The following BNC2 variants were observed in gnomAD, a reference collection of about 807,000 sequenced individuals.
The protein encoded by BNC2 is zinc finger protein basonuclin-2.
BNC2 carries 20 observed loss-of-function variants against 76.3 expected under a neutral mutation model. The ratio of observed to expected loss-of-function variants is 0.26; its 90% CI spans 0.18 to 0.38. BNC2 has a LOEUF of 0.38. Among genes scored for constraint, BNC2 ranks in the 10% least tolerant of loss-of-function variants. The probability of loss-of-function intolerance (pLI) is 1.00; values close to 1 mark genes in which losing one functional copy is unlikely to be tolerated. For missense variants in BNC2, 1,382 were observed against 1,399.8 expected, an observed-to-expected ratio of 0.99 and a Z score of 0.20; for synonymous variants, 582 against 514.8, an observed-to-expected ratio of 1.13 and a Z score of -1.77.
At chr9:16,423,409 A>G (rs1820745962) in intron 6 of BNC2, among the ~76,000 whole-genome samples, 1 of 152,220 alleles carries the variant, frequency 6.6e-6, no homozygotes, top group South Asian at 2.1e-4. Context: ...GTTCATAGGT[A>G]TAAGGGGTAA....
chr9:16,419,666 GA>G lies in BNC2; in HGVS notation c.2640-18del. ...GCACTGTGTCTAGGAAAACAAGAGG[GA>G]AGGGGGGGTACGTGGATGGGGGGTG... On this transcript the variant is annotated intron_variant, in intron 6 of 6. Coordinates refer to ENST00000380672, the MANE Select transcript of BNC2 (RefSeq NM_017637.6). 3 of 637,554 alleles carry G rather than the reference GA, an allele frequency of 4.7e-6. No homozygotes were observed. Among genetic ancestry groups the G allele is most frequent in the Non-Finnish European group, 7.8e-6 (3 of 382,842 alleles). 39.5% of individuals were successfully genotyped at this position (637,554 alleles called of 1,614,324 possible).
intron 5 of BNC2, among the ~76,000 whole-genome samples, chr9:16,521,910 A>C (rs1817633493): frequency 6.6e-6 from 1 of 152,178 alleles, no homozygotes; most frequent in Non-Finnish European, 1.5e-5. Context: ...ATGTTCTTGG[A>C]AAAAATTAAA....
At chr9:16,727,741 C>T in intron 3 of BNC2, 56 bp downstream of exon 3, 1 of 1,470,282 alleles carries the variant, frequency 6.8e-7, no homozygotes, top group Non-Finnish European at 9.4e-7. Context: ...GTGCCCATAA[C>T]AATTCAAGGT....
chr9:16,795,870 G>T (rs184010923), intron 1 of BNC2, among the ~76,000 whole-genome samples: 5 of 152,130 alleles, frequency 3.3e-5, no homozygotes, highest in Non-Finnish European at 7.4e-5. Context: ...AGGGAAAGAG[G>T]ATGGGAGGTA....
intron 5 of BNC2, among the ~76,000 whole-genome samples, chr9:16,530,344 C>T (rs1817940136): frequency 6.6e-6 from 1 of 152,058 alleles, no homozygotes; most frequent in Non-Finnish European, 1.5e-5. Flanking sequence ...ACAACAACTT[C>T]ACCTTATTAA....
intron 3 of BNC2, among the ~76,000 whole-genome samples, chr9:16,654,310 G>A (rs1821869395): frequency 6.6e-6 from 1 of 151,988 alleles, no homozygotes; most frequent in Non-Finnish European, 1.5e-5. Flanking sequence ...AGAGTTCAGG[G>A]CATAACATAA....
intron 3 of BNC2, among the ~76,000 whole-genome samples, chr9:16,601,895 A>G (rs1820254269): frequency 1.3e-5 from 2 of 152,168 alleles, no homozygotes; most frequent in Non-Finnish European, 2.9e-5. Flanking sequence ...AGTTTAAAAG[A>G]TAATGTTCTG....
chr9:16,755,510 C>A (rs544219309), intron 1 of BNC2, among the ~76,000 whole-genome samples: 1 of 152,188 alleles, frequency 6.6e-6, no homozygotes, highest in Admixed American at 6.5e-5. Context: ...GCTAACTATG[C>A]AATTATATGA....
At chr9:16,519,788 T>C (rs1284773281) in intron 5 of BNC2, among the ~76,000 whole-genome samples, 5 of 152,228 alleles carry the variant, frequency 3.3e-5, no homozygotes, top group African/African-American at 9.6e-5. Flanking sequence ...GTTAAGTAAT[T>C]TGCTCAAGTC....
Position 16,418,745 on chromosome 9 carries a change from ATCAAAGATC to A in BNC2, c.*235_*243del. The A allele has an allele frequency of 1.9e-6, 1 of 523,010 alleles. No individual in the cohort carries two copies. Among genetic ancestry groups the A allele is most frequent in the Non-Finnish European group, 3.4e-6 (1 of 291,498 alleles). 32.4% of individuals were successfully genotyped at this position (523,010 alleles called of 1,614,324 possible). ...AGGGGTACTCTGTTTTCACCCTGAA[ATCAAAGATC>A]CCACTCCTTTCCCAAAACTATAAAG... On this transcript the variant is annotated 3_prime_UTR_variant, in exon 7 of 7. Coordinates refer to ENST00000380672, the MANE Select transcript of BNC2 (RefSeq NM_017637.6).
chr9:16,415,895 TAA>T lies in BNC2; in HGVS notation c.*3092_*3093del, dbSNP rs1820575580. On this transcript the variant is annotated 3_prime_UTR_variant, in exon 7 of 7. Coordinates refer to ENST00000380672, the MANE Select transcript of BNC2 (RefSeq NM_017637.6). ...AGTAGTAGCAAATAGGGGAGATACTTAAAAAGTGTCAGCTGTCCAGGACTTAT... is the reference window on the plus strand; with the variant it reads ...AGTAGTAGCAAATAGGGGAGATACTTAAAGTGTCAGCTGTCCAGGACTTAT... 1 of 152,166 alleles carries T rather than the reference TAA, an allele frequency of 6.6e-6. No homozygotes were observed. The highest frequency in any genetic ancestry group is 1.5e-5 in the Non-Finnish European group (1 of 68,038). 9.4% of individuals were successfully genotyped at this position (152,166 alleles called of 1,614,324 possible).
chr9:16,790,523 T>C (rs1218739199), intron 1 of BNC2, among the ~76,000 whole-genome samples: 1 of 152,194 alleles, frequency 6.6e-6, no homozygotes, highest in East Asian at 1.9e-4. Context: ...CGTTGCTAAT[T>C]TACAATTCTA....
chr9:16,480,867 C>T (rs1031377750), intron 5 of BNC2, among the ~76,000 whole-genome samples: 1 of 152,208 alleles, frequency 6.6e-6, no homozygotes, highest in South Asian at 2.1e-4. Flanking sequence ...CCAGTCCCAT[C>T]GACCACCCAA....
chr9:16,571,928 G>T (rs1320684339), intron 4 of BNC2, among the ~76,000 whole-genome samples: 1 of 151,738 alleles, frequency 6.6e-6, no homozygotes, highest in Non-Finnish European at 1.5e-5. Context: ...TTTTTTAAGG[G>T]GCCTTGTGAT....
At chr9:16,829,170 C>G (rs111266175) in intron 1 of BNC2, among the ~76,000 whole-genome samples, 2 of 152,174 alleles carry the variant, frequency 1.3e-5, no homozygotes, top group East Asian at 3.9e-4. Flanking sequence ...CCGTCTGGCA[C>G]GGACTTGTGA....
chr9:16,755,476 T>C (rs895430713), intron 1 of BNC2, among the ~76,000 whole-genome samples: 10 of 152,172 alleles, frequency 6.6e-5, no homozygotes, highest in Non-Finnish European at 1.2e-4. Context: ...CTGCTGCGCT[T>C]AACCATTAGG....
chr9:16,564,194 C>T (rs1040511207), intron 4 of BNC2, among the ~76,000 whole-genome samples: 1 of 152,186 alleles, frequency 6.6e-6, no homozygotes, highest in Non-Finnish European at 1.5e-5. Flanking sequence ...AGAGTCTAAT[C>T]CCAGCTCTGC....
chr9:16,679,562 C>T (rs1159264651), intron 3 of BNC2, among the ~76,000 whole-genome samples: 2 of 152,168 alleles, frequency 1.3e-5, no homozygotes, highest in African/African-American at 4.8e-5. Context: ...CAATTAATGA[C>T]ACCCCCTCAG....
intron 3 of BNC2, among the ~76,000 whole-genome samples, chr9:16,606,746 C>T (rs1460161071): frequency 2.0e-5 from 3 of 152,066 alleles, no homozygotes; most frequent in Admixed American, 1.3e-4. Flanking sequence ...TTAGCAGAGA[C>T]GAGGTTTCGC....
Sources: allele counts gnomAD v4.1 joint callset (sites outside exome capture counted in the v4.1 genomes callset), GRCh38; gene constraint gnomAD v4.1.1; transcripts MANE v1.5; gene names NCBI Gene and HGNC (gene_info 2026-07-23, HGNC 2026-07-21).